Variants in SGCZ observed in about 807,000 individuals in gnomAD.
SGCZ encodes the protein zeta-sarcoglycan.
Under a neutral mutation model 41.3 loss-of-function variants are expected in SGCZ, and 40 were observed. That is an observed-to-expected ratio of 0.97 (90% CI 0.75 to 1.26). SGCZ has a LOEUF of 1.26. SGCZ is among the 50% of genes most tolerant of loss of function. The pLI is 0.00. For synonymous variants in SGCZ, 206 were observed against 137.5 expected, an observed-to-expected ratio of 1.50 and a Z score of -3.49; for missense variants, 552 against 369.8, an observed-to-expected ratio of 1.49 and a Z score of -4.04.
chr8:15,163,076 C>A (rs2117045174), intron 1 of SGCZ, among the ~76,000 whole-genome samples: 1 of 152,288 alleles, frequency 6.6e-6, no homozygotes, highest in African/African-American at 2.4e-5. Flanking sequence ...AGACAGATCA[C>A]CAAAGAACTG....
At chr8:14,577,975 G>C (rs901923141) in intron 1 of SGCZ, among the ~76,000 whole-genome samples, 21 of 152,154 alleles carry the variant, frequency 1.4e-4, no homozygotes, top group Non-Finnish European at 1.5e-4. Flanking sequence ...GAATGAGCTT[G>C]ATATGCACTG....
At chr8:14,706,102 A>T (rs1172257921) in intron 1 of SGCZ, among the ~76,000 whole-genome samples, 1 of 152,014 alleles carries the variant, frequency 6.6e-6, no homozygotes, top group Non-Finnish European at 1.5e-5. Context: ...TCCAAAATCT[A>T]GAATTTTCCC....
Position 14,528,914 on chromosome 8 carries a change from G to C in SGCZ, c.234+25818C>G, listed in dbSNP as rs183682461. Among the ~76,000 whole-genome samples, 3 of 151,176 alleles carry C rather than the reference G, an allele frequency of 2.0e-5. No homozygotes were observed. In the East Asian group the frequency reaches 5.9e-4, roughly 30 times the overall value. On this transcript the variant is annotated intron_variant, in intron 2 of 7. Transcript: ENST00000382080. ...GAAGCATTTTTTTCATATTTAGAAG[G>C]GATCTCAGACATCATCCACTGCAAT...
chr8:14,695,667 A>T (rs371782685), intron 1 of SGCZ, among the ~76,000 whole-genome samples: 14 of 151,948 alleles, frequency 9.2e-5, no homozygotes, highest in African/African-American at 3.1e-4. Context: ...ATTACACAAT[A>T]TCATTTACAC....
chr8:14,213,061 C>A (rs548340908), intron 4 of SGCZ, among the ~76,000 whole-genome samples: 81 of 151,950 alleles, frequency 5.3e-4, no homozygotes, highest in Non-Finnish European at 9.1e-4. Flanking sequence ...TTCTCAGGGA[C>A]TGTGGGACAA....
At chr8:14,125,598 T>C (rs1421656773) in intron 5 of SGCZ, among the ~76,000 whole-genome samples, 1 of 151,438 alleles carries the variant, frequency 6.6e-6, no homozygotes, top group Non-Finnish European at 1.5e-5. Flanking sequence ...CAAACTACAA[T>C]GGACATTCTT....
At chr8:15,049,372 G>C (rs1193925525) in intron 1 of SGCZ, among the ~76,000 whole-genome samples, 2 of 152,258 alleles carry the variant, frequency 1.3e-5, no homozygotes, top group Non-Finnish European at 2.9e-5. Flanking sequence ...GGAAGAGCAA[G>C]AGCAGGAAGA....
chr8:14,582,004 A>C (rs1387924483), intron 1 of SGCZ, among the ~76,000 whole-genome samples: 5 of 152,094 alleles, frequency 3.3e-5, no homozygotes, highest in Non-Finnish European at 4.4e-5. Context: ...CTGAGAAAGA[A>C]AGACAAATCC....
intron 1 of SGCZ, among the ~76,000 whole-genome samples, chr8:14,622,715 T>C (rs990034207): frequency 6.6e-6 from 1 of 152,138 alleles, no homozygotes; most frequent in Non-Finnish European, 1.5e-5. Context: ...ACAATGACAT[T>C]AAGTGAGAAT....
At chr8:14,715,543 C>G (rs1563220790) in intron 1 of SGCZ, among the ~76,000 whole-genome samples, 4 of 135,734 alleles carry the variant, frequency 2.9e-5, no homozygotes, top group Non-Finnish European at 1.6e-5. Flanking sequence ...ACCACACACA[C>G]ACACACACAC....
At chr8:14,499,979 A>G (rs554103726) in intron 2 of SGCZ, among the ~76,000 whole-genome samples, 65 of 152,258 alleles carry the variant, frequency 4.3e-4, no homozygotes, top group Admixed American at 9.8e-4. Flanking sequence ...CTTACAAAAA[A>G]AAACTTTAAA....
chr8:14,180,541 G>A lies in SGCZ; in HGVS notation c.425-15839C>T, dbSNP rs370321139. On this transcript the variant is annotated intron_variant, in intron 4 of 7. Coordinates refer to ENST00000382080, the MANE Select transcript of SGCZ (RefSeq NM_139167.4). ...CCATTTATCATATAACCCAACATGC[G>A]CAGTCTCATTGAAGAAAAAAAAAAT... Among the ~76,000 whole-genome samples, 5 of 151,638 alleles carry A rather than the reference G, an allele frequency of 3.3e-5. No homozygotes were observed. In the South Asian group the frequency reaches 6.2e-4, roughly 19 times the overall value.
At chr8:14,204,237 A>G (rs944531282) in intron 4 of SGCZ, among the ~76,000 whole-genome samples, 1 of 151,208 alleles carries the variant, frequency 6.6e-6, no homozygotes, top group African/African-American at 2.4e-5. Flanking sequence ...TGTTGCTTAG[A>G]GATGGATCTT....
chr8:14,914,230 GTA>G (rs202048346), intron 1 of SGCZ, among the ~76,000 whole-genome samples: 70 of 140,552 alleles, frequency 5.0e-4, no homozygotes, highest in African/African-American at 1.5e-3. Context: ...ATATGTATGC[GTA>G]TATATATATA....
intron 1 of SGCZ, among the ~76,000 whole-genome samples, chr8:15,207,687 C>G (rs887165465): frequency 1.1e-4 from 17 of 151,980 alleles, no homozygotes; most frequent in Admixed American, 1.1e-3. Flanking sequence ...CAGATGCTTT[C>G]CCCATTACTC....
At chr8:14,212,035 A>T (rs932796411) in intron 4 of SGCZ, among the ~76,000 whole-genome samples, 15 of 152,088 alleles carry the variant, frequency 9.9e-5, no homozygotes. Context: ...CTGTTCCTCT[A>T]TCTGCTATTC....
At chr8:14,633,139 A>T (rs1877014) in intron 1 of SGCZ, among the ~76,000 whole-genome samples, 102,075 of 151,802 alleles carry the variant, frequency 0.67, 34,517 homozygotes, top group East Asian at 0.78. Flanking sequence ...CTGAGTTAAA[A>T]TGCATTAGCA....
In SGCZ at chr8:14,090,427, G is replaced by A; in HGVS notation, c.*16C>T. 6.2e-7 allele frequency: 1 copy of A among 1,607,656 alleles called. No individual in the cohort carries two copies. The highest frequency in any genetic ancestry group is 1.7e-5 in the Admixed American group (1 of 59,246). On this transcript the variant is annotated 3_prime_UTR_variant, in exon 8 of 8. Coordinates refer to ENST00000382080, the MANE Select transcript of SGCZ (RefSeq NM_139167.4). ...GGAACAAAAGGCTATTCTGGTGTGAGGAGAAATCAGTCACTTCAGCTCCAC... is the reference window on the plus strand; with the variant it reads ...GGAACAAAAGGCTATTCTGGTGTGAAGAGAAATCAGTCACTTCAGCTCCAC...
At chr8:14,212,467 CAAAAAAAAA>C (rs33947419) in intron 4 of SGCZ, among the ~76,000 whole-genome samples, 1 of 97,960 alleles carries the variant, frequency 1.0e-5, no homozygotes, top group East Asian at 2.9e-4. Context: ...ATGCAAAAGA[CAAAAAAAAA>C]AAAAAAAAAA....
Sources: gnomAD v4.1 joint callset for allele counts (sites outside exome capture counted in the v4.1 genomes callset) on GRCh38, gnomAD v4.1.1 for gene constraint, MANE v1.5 for transcripts, NCBI Gene and HGNC (gene_info 2026-07-23, HGNC 2026-07-21) for gene names.